KIRREL3: variants seen among roughly 807,000 people sequenced by gnomAD.
KIRREL3 encodes the protein kirre like nephrin family adhesion molecule 3.
Under a neutral mutation model 89.7 loss-of-function variants are expected in KIRREL3, and 36 were observed. That is an observed-to-expected ratio of 0.40 (90% CI 0.31 to 0.53). KIRREL3 has a LOEUF of 0.53. KIRREL3 is among the 20% of genes least tolerant of loss of function. The probability of loss-of-function intolerance (pLI) is 0.49; values close to 1 mark genes in which losing one functional copy is unlikely to be tolerated. For synonymous variants in KIRREL3, 445 were observed against 441.4 expected, an observed-to-expected ratio of 1.01 and a Z score of -0.10; for missense variants, 864 against 1,056.6, an observed-to-expected ratio of 0.82 and a Z score of 2.53.
Position 126,668,580 on chromosome 11 carries a change from G to A in KIRREL3, c.56-105668C>T, listed in dbSNP as rs556538369. Among the ~76,000 whole-genome samples the A allele has an allele frequency of 1.3e-5, 2 of 152,086 alleles. No homozygotes were observed. The highest frequency in any genetic ancestry group is 1.9e-4 in the East Asian group (1 of 5,176). On this transcript the variant is annotated intron_variant, in intron 1 of 16. Coordinates refer to ENST00000525144, the MANE Select transcript of KIRREL3 (RefSeq NM_032531.4). The surrounding 1 kb of genome is among the most constrained non-coding windows in gnomAD (Gnocchi z 4.4). ...ATGGCCTTTCTTCCTGTTCTTCCTC[G>A]TTAGTTTCTTCCCACTTCTCTAGGA...
At chr11:126,840,350 G>C (rs1025070591) in intron 1 of KIRREL3, among the ~76,000 whole-genome samples, 4 of 152,182 alleles carry the variant, frequency 2.6e-5, no homozygotes, top group Non-Finnish European at 5.9e-5. Flanking sequence ...CCAGGGTCAA[G>C]TTTAAGGATC....
At chr11:126,842,016 G>A (rs531297322) in intron 1 of KIRREL3, among the ~76,000 whole-genome samples, 87 of 152,312 alleles carry the variant, frequency 5.7e-4, no homozygotes, top group African/African-American at 2.0e-3. Flanking sequence ...TGCACCAGGT[G>A]AGGATGGGGT....
At position 126,891,168 on chromosome 11, in the gene KIRREL3, G is replaced by A. The variant is rs1383690214; in HGVS notation, c.55+109287C>T. Among the ~76,000 whole-genome samples the A allele has an allele frequency of 6.6e-6, 1 of 152,192 alleles. No individual in the cohort carries two copies. The highest frequency in any genetic ancestry group is 1.5e-5 in the Non-Finnish European group (1 of 68,032). On this transcript the variant is annotated intron_variant, in intron 1 of 16. Coordinates refer to ENST00000525144, the MANE Select transcript of KIRREL3 (RefSeq NM_032531.4). This position sits in a 1 kb window ranked among gnomAD's most constrained non-coding sequence, Gnocchi z 5.1. ...GGGTTTGAAGTGTACATAAGCCACAGTGGAAACATCTGAGAAGCGTCCCAA... is the reference window on the plus strand; with the variant it reads ...GGGTTTGAAGTGTACATAAGCCACAATGGAAACATCTGAGAAGCGTCCCAA...
chr11:126,851,699 C>A (rs1234739066), intron 1 of KIRREL3, among the ~76,000 whole-genome samples: 1 of 152,140 alleles, frequency 6.6e-6, no homozygotes. Context: ...TCCTAAACTG[C>A]AGGATGCAAA....
At chr11:126,552,136 A>G in intron 2 of KIRREL3, among the ~76,000 whole-genome samples, 1 of 151,636 alleles carries the variant, frequency 6.6e-6, no homozygotes, top group East Asian at 1.9e-4. Context: ...TCGTTTCTTT[A>G]CTCTCAGGTA....
intron 1 of KIRREL3, among the ~76,000 whole-genome samples, chr11:126,695,879 G>A (rs952617002): frequency 1.3e-5 from 2 of 152,170 alleles, no homozygotes; most frequent in African/African-American, 4.8e-5. Flanking sequence ...ATTTTTGGTG[G>A]GGAAAGAGTT....
chr11:126,827,041 C>G (rs1344859235), intron 1 of KIRREL3, among the ~76,000 whole-genome samples: 1 of 152,134 alleles, frequency 6.6e-6, no homozygotes, highest in African/African-American at 2.4e-5. Flanking sequence ...GCTCCCCACC[C>G]AAGCTGCCTT....
rs561303790 is a variant in KIRREL3, at chr11:126,814,450, A to G, written c.55+186005T>C. ...CCAAAGGAATATAAATCATTGTATTATAAAGATACATGCACTACATATGTT... is the reference window on the plus strand; with the variant it reads ...CCAAAGGAATATAAATCATTGTATTGTAAAGATACATGCACTACATATGTT... On this transcript the variant is annotated intron_variant, in intron 1 of 16. Transcript: ENST00000525144. This position sits in a 1 kb window ranked among gnomAD's most constrained non-coding sequence, Gnocchi z 4.4. 3.9e-5 allele frequency among the ~76,000 whole-genome samples: 6 copies of G among 152,350 alleles called. No individual in the cohort carries two copies. The South Asian group carries it at 6.2e-4, about 16-fold the overall frequency.
At position 126,553,264 on chromosome 11, in the gene KIRREL3, C is replaced by T. The variant is rs1939429241; in HGVS notation, c.133+9571G>A. On this transcript the variant is annotated intron_variant, in intron 2 of 16. Transcript: ENST00000525144. The surrounding 1 kb of genome is among the most constrained non-coding windows in gnomAD (Gnocchi z 4.7). ...CAAATGCATACAATATCTTCTGTTC[C>T]ATTTTTTTTTAAATGACACTCTGAG... Among the ~76,000 whole-genome samples, 1 of 139,604 alleles carries T rather than the reference C, an allele frequency of 7.2e-6. No homozygotes were observed. Among genetic ancestry groups the T allele is most frequent in the Admixed American group, 6.8e-5 (1 of 14,686 alleles). 91.6% of individuals were successfully genotyped at this position (139,604 alleles called of 152,430 possible).
chr11:126,545,981 C>A (rs1421216647), intron 2 of KIRREL3, among the ~76,000 whole-genome samples: 2 of 152,158 alleles, frequency 1.3e-5, no homozygotes, highest in African/African-American at 2.4e-5. Flanking sequence ...ATTTGTCTTT[C>A]CTAAGTTTCA....
intron 1 of KIRREL3, among the ~76,000 whole-genome samples, chr11:126,911,838 C>A (rs1038658371): frequency 2.0e-5 from 3 of 152,040 alleles, no homozygotes; most frequent in Non-Finnish European, 2.9e-5. Flanking sequence ...AAAAAATTAG[C>A]CGGGCGCGGT....
At position 126,898,996 on chromosome 11, in the gene KIRREL3, C is replaced by T. The variant is rs546043240; in HGVS notation, c.55+101459G>A. ...GATGCTGTAAGATGAGACTTAAAAG[C>T]CGCAGGGGAGTTTGGGGGGGGTCTC... On this transcript the variant is annotated intron_variant, in intron 1 of 16. Coordinates refer to ENST00000525144, the MANE Select transcript of KIRREL3 (RefSeq NM_032531.4). This position sits in a 1 kb window ranked among gnomAD's most constrained non-coding sequence, Gnocchi z 4.9. Among the ~76,000 whole-genome samples the T allele has an allele frequency of 9.9e-6, 1 of 101,438 alleles. No individual in the cohort carries two copies. Among genetic ancestry groups the T allele is most frequent in the Non-Finnish European group, 1.8e-5 (1 of 54,620 alleles). 66.5% of individuals were successfully genotyped at this position (101,438 alleles called of 152,430 possible). A position where few individuals can be genotyped will look rare whatever the true frequency, so the allele number is the denominator to read the frequency against.
intron 2 of KIRREL3, among the ~76,000 whole-genome samples, chr11:126,547,414 A>G (rs976397204): frequency 6.6e-5 from 10 of 152,226 alleles, no homozygotes; most frequent in African/African-American, 2.2e-4. Flanking sequence ...CATCTGACGG[A>G]AAACCTATTA....
At chr11:126,452,675 T>G (rs959980809) in intron 7 of KIRREL3, among the ~76,000 whole-genome samples, 3 of 152,206 alleles carry the variant, frequency 2.0e-5, no homozygotes, top group Non-Finnish European at 4.4e-5. Flanking sequence ...GAACTGCTGC[T>G]GGCTCCGGGA....
rs1031101063 is a variant in KIRREL3 at position 126,729,763 on chromosome 11, G to A, written c.56-166851C>T. On this transcript the variant is annotated intron_variant, in intron 1 of 16. Coordinates refer to ENST00000525144, the MANE Select transcript of KIRREL3 (RefSeq NM_032531.4). The surrounding 1 kb of genome is among the most constrained non-coding windows in gnomAD (Gnocchi z 4.5). The stretch of plus-strand genomic sequence containing the variant: ...CCCTGCTATTTTATGAGCTTGGGAG[G>A]TTTCTGTGTCCAGAAGCACAATGGA... Among the ~76,000 whole-genome samples the A allele has an allele frequency of 3.9e-5, 6 of 152,152 alleles. No individual in the cohort carries two copies. The highest frequency in any genetic ancestry group is 1.4e-4 in the African/African-American group (6 of 41,416).
At chr11:126,939,523 G>A (rs1015668900) in intron 1 of KIRREL3, among the ~76,000 whole-genome samples, 12 of 152,156 alleles carry the variant, frequency 7.9e-5, no homozygotes, top group Non-Finnish European at 1.8e-4. Context: ...TGCTAGCAGG[G>A]ACTCTCCTGG....
chr11:126,911,399 T>C (rs1946808499), intron 1 of KIRREL3, among the ~76,000 whole-genome samples: 1 of 152,066 alleles, frequency 6.6e-6, no homozygotes, highest in Non-Finnish European at 1.5e-5. Context: ...GCTGGTGAAG[T>C]CTCCATATGG....
At chr11:126,833,853 C>A (rs1044238635) in intron 1 of KIRREL3, among the ~76,000 whole-genome samples, 1 of 152,178 alleles carries the variant, frequency 6.6e-6, no homozygotes, top group African/African-American at 2.4e-5. Flanking sequence ...GAGGTTCAGC[C>A]TATATCTGAC....
intron 1 of KIRREL3, among the ~76,000 whole-genome samples, chr11:126,915,007 A>G (rs1946980715): frequency 6.6e-6 from 1 of 152,196 alleles, no homozygotes; most frequent in African/African-American, 2.4e-5. Context: ...TGACCTTAAA[A>G]ACCAACGCTC....
Sources: gnomAD v4.1 joint callset for allele counts (sites outside exome capture counted in the v4.1 genomes callset) on GRCh38, gnomAD v4.1.1 for gene constraint, Gnocchi (gnomAD v3.1) non-coding constraint, MANE v1.5 for transcripts, NCBI Gene and HGNC (gene_info 2026-07-23, HGNC 2026-07-21) for gene names.